Variants in AGAP1 observed in about 807,000 individuals in gnomAD.
AGAP1 encodes ArfGAP with GTPase domain, ankyrin repeat and PH domain 1, also known as arf-GAP with GTPase, ANK repeat and PH domain-containing protein 1.
In AGAP1, 29 loss-of-function variants were observed where a neutral mutation model predicts 105.3. The ratio of observed to expected loss-of-function variants is 0.28; its 90% CI spans 0.21 to 0.38. The LOEUF (loss-of-function observed/expected upper bound fraction) is 0.38. Among genes scored for constraint, AGAP1 ranks in the 10% least tolerant of loss-of-function variants. The pLI is 1.00. For missense variants in AGAP1, 998 were observed against 1,165.1 expected (o/e 0.86, Z 2.09); for synonymous variants, 509 against 485.9 (o/e 1.05, Z -0.63).
In AGAP1 at chr2:235,620,217, TGCAGTG is replaced by T. The variant is rs1350484456; in HGVS notation, c.164-88959_164-88954del. 2.0e-5 allele frequency among the ~76,000 whole-genome samples: 3 copies of T among 152,214 alleles called. No homozygotes were observed. The highest frequency in any genetic ancestry group is 1.3e-4 in the Admixed American group (2 of 15,284). ...CTGTGCCTTCAAAGTATATCCAGGA[TGCAGTG>T]GCTTCCTGAGCCACCTCAGCCATTA... On this transcript the variant is annotated intron_variant, in intron 1 of 17. Coordinates refer to ENST00000304032, the MANE Select transcript of AGAP1 (RefSeq NM_001037131.3). This position sits in a 1 kb window ranked among gnomAD's most constrained non-coding sequence, Gnocchi z 4.5.
At chr2:235,745,168 A>T (rs979074254) in intron 5 of AGAP1, among the ~76,000 whole-genome samples, 13 of 152,134 alleles carry the variant, frequency 8.5e-5, no homozygotes, top group African/African-American at 1.2e-4. Context: ...ACATATATAT[A>T]TTTTCTGCTA....
chr2:235,907,282 C>A (rs2051352340), intron 10 of AGAP1, among the ~76,000 whole-genome samples: 1 of 152,136 alleles, frequency 6.6e-6, no homozygotes, highest in Non-Finnish European at 1.5e-5. Flanking sequence ...TCCCTTGCAT[C>A]CAGCATGTGA....
chr2:236,055,316 A>G lies in AGAP1; in HGVS notation c.2114+6035A>G, dbSNP rs191791910. Among the ~76,000 whole-genome samples, 11 of 152,176 alleles carry G rather than the reference A, an allele frequency of 7.2e-5. No individual in the cohort carries two copies. Among genetic ancestry groups the G allele is most frequent in the Admixed American group, 2.6e-4 (4 of 15,290 alleles). ...CCCCCCTACATGTACACACATGCAC[A>G]CTTTTGTGTGTGGCTTTATGTGCCT... On this transcript the variant is annotated intron_variant, in intron 16 of 17. Coordinates refer to ENST00000304032, the MANE Select transcript of AGAP1 (RefSeq NM_001037131.3). The surrounding 1 kb of genome is among the most constrained non-coding windows in gnomAD (Gnocchi z 6.2).
intron 1 of AGAP1, among the ~76,000 whole-genome samples, chr2:235,704,732 A>T (rs1950438904): frequency 6.6e-6 from 1 of 152,176 alleles, no homozygotes; most frequent in African/African-American, 2.4e-5. Flanking sequence ...GTCCCAGGTT[A>T]GTCTAGGGCG....
intron 2 of AGAP1, among the ~76,000 whole-genome samples, chr2:235,713,794 C>T (rs963496808): frequency 1.3e-5 from 2 of 152,110 alleles, no homozygotes; most frequent in Non-Finnish European, 2.9e-5. Flanking sequence ...GTTCTGGAGG[C>T]CAGGAAGTCC....
Position 235,953,347 on chromosome 2 carries a change from G to A in AGAP1, c.1484-15115G>A, listed in dbSNP as rs545227824. Among the ~76,000 whole-genome samples, 1 of 152,214 alleles carries A rather than the reference G, an allele frequency of 6.6e-6. No individual in the cohort carries two copies. Among genetic ancestry groups the A allele is most frequent in the South Asian group, 2.1e-4 (1 of 4,812 alleles). ...CAAAAGGTTACATGTGATGGCCAAG[G>A]GAAAAGAAAACGTAATTTATCGTTA... On this transcript the variant is annotated intron_variant, in intron 12 of 17. Coordinates refer to ENST00000304032, the MANE Select transcript of AGAP1 (RefSeq NM_001037131.3). The surrounding 1 kb of genome is among the most constrained non-coding windows in gnomAD (Gnocchi z 5.2).
At chr2:235,810,854 T>TTTTTTTTTA (rs61070151) in intron 9 of AGAP1, among the ~76,000 whole-genome samples, 1 of 146,392 alleles carries the variant, frequency 6.8e-6, no homozygotes, top group African/African-American at 2.5e-5. Context: ...TTTTTTTTTT[T>TTTTTTTTTA]ACTAATAAGG....
At chr2:235,920,426 A>G (rs2052123590) in intron 11 of AGAP1, among the ~76,000 whole-genome samples, 2 of 152,136 alleles carry the variant, frequency 1.3e-5, no homozygotes, top group African/African-American at 4.8e-5. Context: ...CTGCATGCGC[A>G]TGGTGCCCCA....
chr2:236,064,568 T>C (rs1178461896), intron 16 of AGAP1, among the ~76,000 whole-genome samples: 2 of 152,116 alleles, frequency 1.3e-5, no homozygotes, highest in African/African-American at 4.8e-5. Flanking sequence ...TGCACTGCAT[T>C]CTGGACAACA....
intron 1 of AGAP1, among the ~76,000 whole-genome samples, chr2:235,541,155 C>CT (rs906522873): frequency 2.2e-4 from 33 of 152,260 alleles, no homozygotes; most frequent in Non-Finnish European, 4.0e-4. Flanking sequence ...GGCACGTGGA[C>CT]TTTCATCAGT....
At position 235,550,127 on chromosome 2, in the gene AGAP1, T is replaced by C. The variant is rs1301876099; in HGVS notation, c.163+55278T>C. ...GTCCACATCTGGAGTAGACCCTGAG[T>C]GGGGCAGAACCATCATCCTGCGTGC... On this transcript the variant is annotated intron_variant, in intron 1 of 17. Transcript: ENST00000304032. This position sits in a 1 kb window ranked among gnomAD's most constrained non-coding sequence, Gnocchi z 4.6. Among the ~76,000 whole-genome samples the C allele has an allele frequency of 2.6e-5, 4 of 152,224 alleles. No individual in the cohort carries two copies. The East Asian group carries it at 7.7e-4, about 29-fold the overall frequency.
Position 236,040,757 on chromosome 2 carries a change from C to A in AGAP1, c.1807C>A (p.Leu603Met). The change falls in exon 15 of 18, where the codon CTG (leucine) becomes ATG (methionine). Residue 603 changes from leucine (L) to methionine (M), a missense_variant. Leu to Met is a conservative substitution (Grantham distance 15). Coordinates refer to ENST00000304032, the MANE Select transcript of AGAP1 (RefSeq NM_001037131.3). The surrounding 1 kb of genome is among the most constrained non-coding windows in gnomAD (Gnocchi z 5.6). ...SCESSKNKSR[L>M]TSQSEAMALQ... Reference sequence around the variant, plus strand: ...TGTCTTCCTCCGTGCCCAGTCCCGGCTGACGAGCCAGAGCGAGGCCATGGC... The same window carrying A: ...TGTCTTCCTCCGTGCCCAGTCCCGGATGACGAGCCAGAGCGAGGCCATGGC... The A allele has an allele frequency of 1.2e-6, 2 of 1,613,284 alleles. No homozygotes were observed. Among genetic ancestry groups the A allele is most frequent in the Non-Finnish European group, 1.7e-6 (2 of 1,180,036 alleles).
In AGAP1 at chr2:236,049,376, T is replaced by C; in HGVS notation, c.2114+95T>C. On this transcript the variant is annotated intron_variant, in intron 16 of 17. Transcript: ENST00000304032. ...ATGACAGCCACGGTTGGGAAGGCCCTGATAACCTGTAGGAATTCGGGAATT... is the reference window on the plus strand; with the variant it reads ...ATGACAGCCACGGTTGGGAAGGCCCCGATAACCTGTAGGAATTCGGGAATT... The C allele has an allele frequency of 3.5e-6, 4 of 1,147,224 alleles. No homozygotes were observed. The South Asian group carries it at 4.4e-5, about 13-fold the overall frequency. The allele number at this position is 1,147,224 out of a possible 1,614,324, so 71.1% of individuals were successfully genotyped here.
chr2:235,595,977 C>G (rs915161943), intron 1 of AGAP1, among the ~76,000 whole-genome samples: 16 of 152,202 alleles, frequency 1.1e-4, no homozygotes, highest in African/African-American at 3.9e-4. Context: ...ACTTTGCGTA[C>G]TGTGTACAGG....
At position 236,082,444 on chromosome 2, in the gene AGAP1, G is replaced by A. The variant is rs1013739939; in HGVS notation, c.2114+33163G>A. ...CACCAGGTCCTGCTACGGGGCCGCT[G>A]CCCATTTGATCTCTCAGGGAGGGAG... On this transcript the variant is annotated intron_variant, in intron 16 of 17. Coordinates refer to ENST00000304032, the MANE Select transcript of AGAP1 (RefSeq NM_001037131.3). The surrounding 1 kb of genome is among the most constrained non-coding windows in gnomAD (Gnocchi z 4.2). Among the ~76,000 whole-genome samples the A allele has an allele frequency of 1.3e-5, 2 of 152,188 alleles. No homozygotes were observed. Among genetic ancestry groups the A allele is most frequent in the Non-Finnish European group, 2.9e-5 (2 of 68,038 alleles).
In AGAP1 at chr2:235,752,960, T is replaced by C. The variant is rs930632393; in HGVS notation, c.673+2472T>C. On this transcript the variant is annotated intron_variant, in intron 6 of 17. Coordinates refer to ENST00000304032, the MANE Select transcript of AGAP1 (RefSeq NM_001037131.3). This position sits in a 1 kb window ranked among gnomAD's most constrained non-coding sequence, Gnocchi z 4.3. ...TGGTGTCTGCTGAGGGCCATCCTCCTAGTGGGATATGTGTTTGCATAGTGG... is the reference window on the plus strand; with the variant it reads ...TGGTGTCTGCTGAGGGCCATCCTCCCAGTGGGATATGTGTTTGCATAGTGG... Among the ~76,000 whole-genome samples the C allele has an allele frequency of 3.9e-5, 6 of 152,190 alleles. No homozygotes were observed. The highest frequency in any genetic ancestry group is 1.4e-4 in the African/African-American group (6 of 41,458).
In AGAP1 at chr2:235,834,651, A is replaced by T. The variant is rs547460633; in HGVS notation, c.1050+27320A>T. 2.6e-5 allele frequency among the ~76,000 whole-genome samples: 4 copies of T among 152,328 alleles called. No individual in the cohort carries two copies. In the South Asian group the frequency reaches 8.3e-4, roughly 32 times the overall value. ...TCACATTCATTTTCACCAGTTGTTC[A>T]CTTAGCAGACCATTAGAAAGGAGGT... is the stretch of plus-strand genomic sequence containing the variant. On this transcript the variant is annotated intron_variant, in intron 9 of 17. Coordinates refer to ENST00000304032, the MANE Select transcript of AGAP1 (RefSeq NM_001037131.3).
chr2:236,088,295 A>G (rs2058979999), intron 16 of AGAP1, among the ~76,000 whole-genome samples: 1 of 152,234 alleles, frequency 6.6e-6, no homozygotes, highest in African/African-American at 2.4e-5. Context: ...CAATGCTTTG[A>G]AAGGGTTTAA....
Position 235,961,886 on chromosome 2 carries a change from G to T in AGAP1, c.1484-6576G>T, listed in dbSNP as rs2054202687. ...TCGTCACACACACGCACAAAAAAGT[G>T]AGATGACAGCTCATGTTTAGTGCCG... On this transcript the variant is annotated intron_variant, in intron 12 of 17. Transcript: ENST00000304032. This position sits in a 1 kb window ranked among gnomAD's most constrained non-coding sequence, Gnocchi z 5.9. Among the ~76,000 whole-genome samples, 1 of 152,200 alleles carries T rather than the reference G, an allele frequency of 6.6e-6. No individual in the cohort carries two copies. The highest frequency in any genetic ancestry group is 6.5e-5 in the Admixed American group (1 of 15,280).
Sources: allele counts gnomAD v4.1 joint callset (sites outside exome capture counted in the v4.1 genomes callset), GRCh38; gene constraint gnomAD v4.1.1; non-coding constraint Gnocchi (gnomAD v3.1); transcripts MANE v1.5; gene names NCBI Gene and HGNC (gene_info 2026-07-23, HGNC 2026-07-21).